NRXN1: variants seen among roughly 807,000 people sequenced by gnomAD.
NRXN1 encodes the protein neurexin-1.
NRXN1 carries 39 observed loss-of-function variants against 150.9 expected under a neutral mutation model. The observed-to-expected ratio is 0.26, with a 90% confidence interval of 0.20 to 0.34. The LOEUF is 0.34. NRXN1 is among the 10% of genes least tolerant of loss of function. The pLI, the probability that NRXN1 is intolerant of heterozygous loss-of-function variation, is 1.00. For synonymous variants in NRXN1, 924 were observed against 757.0 expected, an observed-to-expected ratio of 1.22 and a Z score of -3.62; for missense variants, 1,815 against 1,949.9, an observed-to-expected ratio of 0.93 and a Z score of 1.30.
At chr2:50,598,300 C>T (rs1675577567) in intron 8 of NRXN1, among the ~76,000 whole-genome samples, 1 of 152,042 alleles carries the variant, frequency 6.6e-6, no homozygotes, top group Non-Finnish European at 1.5e-5. Flanking sequence ...GGAAACAGCC[C>T]TTAGAATCAC....
intron 18 of NRXN1, among the ~76,000 whole-genome samples, chr2:50,171,267 G>C (rs1276502543): frequency 6.6e-6 from 1 of 151,830 alleles, no homozygotes; most frequent in Non-Finnish European, 1.5e-5. Context: ...GTGTGTGTAA[G>C]AGAGAGCATT....
intron 5 of NRXN1, among the ~76,000 whole-genome samples, chr2:50,777,682 T>C (rs1389675437): frequency 6.6e-6 from 1 of 152,088 alleles, no homozygotes; most frequent in Admixed American, 6.6e-5. Context: ...GAGTAAAATA[T>C]AAAAGAAAAT....
chr2:50,658,491 T>A, intron 5 of NRXN1, among the ~76,000 whole-genome samples: 1 of 150,834 alleles, frequency 6.6e-6, no homozygotes, highest in East Asian at 2.0e-4. Flanking sequence ...AAATTATTCT[T>A]ATTTCACATG....
chr2:50,647,990 T>G (rs1330589313), intron 5 of NRXN1, among the ~76,000 whole-genome samples: 2 of 151,988 alleles, frequency 1.3e-5, no homozygotes, highest in African/African-American at 4.8e-5. Context: ...ATCATGTATT[T>G]ATTTCCTTTA....
At chr2:50,748,137 C>G (rs1482662464) in intron 5 of NRXN1, among the ~76,000 whole-genome samples, 1 of 152,122 alleles carries the variant, frequency 6.6e-6, no homozygotes, top group Non-Finnish European at 1.5e-5. Context: ...GAGTTTAGTG[C>G]GATATCAGAG....
At chr2:50,322,784 TTAAGTA>T (rs1466456674) in intron 17 of NRXN1, among the ~76,000 whole-genome samples, 2 of 152,144 alleles carry the variant, frequency 1.3e-5, no homozygotes, top group Admixed American at 1.3e-4. Flanking sequence ...TTTCATGGAG[TTAAGTA>T]TTAAAAGACA....
chr2:50,473,196 A>G (rs1251706575), intron 15 of NRXN1, among the ~76,000 whole-genome samples: 1 of 151,958 alleles, frequency 6.6e-6, no homozygotes, highest in Non-Finnish European at 1.5e-5. Context: ...GTTTTTAGGT[A>G]AAATTACACT....
chr2:50,226,774 C>T (rs1400762655), intron 18 of NRXN1, among the ~76,000 whole-genome samples: 1 of 151,932 alleles, frequency 6.6e-6, no homozygotes, highest in African/African-American at 2.4e-5. Context: ...TGATAGTTAG[C>T]TCAGATTTGT....
In NRXN1 at chr2:50,527,049, T is replaced by C. The variant is rs143924262; in HGVS notation, c.2374+1576A>G. 1.3e-3 allele frequency among the ~76,000 whole-genome samples: 197 copies of C among 152,338 alleles called. 2 individuals are homozygous for C. The highest frequency in any genetic ancestry group is 4.7e-3 in the African/African-American group (194 of 41,586). Reference sequence around the variant, plus strand: ...TCACATGTCATTTGAATAATTTTCATTAATTGCTATACTTTGCATAGTTAT... The same window carrying C: ...TCACATGTCATTTGAATAATTTTCACTAATTGCTATACTTTGCATAGTTAT... On this transcript the variant is annotated intron_variant, in intron 12 of 22. Transcript: ENST00000401669.
intron 19 of NRXN1, among the ~76,000 whole-genome samples, chr2:50,059,062 G>A (rs1423888875): frequency 6.6e-6 from 1 of 152,172 alleles, no homozygotes; most frequent in Non-Finnish European, 1.5e-5. Flanking sequence ...CTGGGTAACA[G>A]GCAGAGGATG....
At chr2:50,232,078 A>T (rs2064993840) in intron 18 of NRXN1, among the ~76,000 whole-genome samples, 1 of 152,112 alleles carries the variant, frequency 6.6e-6, no homozygotes, top group African/African-American at 2.4e-5. Flanking sequence ...TTAAAACTGT[A>T]AGGAAGAGAG....
chr2:50,492,803 C>A (rs1006164832), intron 15 of NRXN1, among the ~76,000 whole-genome samples: 2 of 152,132 alleles, frequency 1.3e-5, no homozygotes, highest in Admixed American at 6.5e-5. Flanking sequence ...GAAATAAAAG[C>A]AAAACCAGGA....
At chr2:50,578,240 T>C (rs2105505953) in intron 8 of NRXN1, among the ~76,000 whole-genome samples, 1 of 152,280 alleles carries the variant, frequency 6.6e-6, no homozygotes, top group East Asian at 1.9e-4. Context: ...TTCTCTTAAA[T>C]CACTCTTTTT....
intron 17 of NRXN1, among the ~76,000 whole-genome samples, chr2:50,464,994 A>T (rs1036457266): frequency 4.0e-5 from 6 of 151,856 alleles, no homozygotes; most frequent in African/African-American, 1.2e-4. Context: ...ATATTTTTTT[A>T]AAAGTAAAAG....
intron 5 of NRXN1, among the ~76,000 whole-genome samples, chr2:50,689,008 T>C (rs754683069): frequency 5.9e-5 from 9 of 152,202 alleles, no homozygotes; most frequent in Non-Finnish European, 1.0e-4. Flanking sequence ...ACATACCCCT[T>C]TACTACTAAT....
At chr2:50,516,809 T>A (rs1007078211) in intron 12 of NRXN1, among the ~76,000 whole-genome samples, 1 of 152,172 alleles carries the variant, frequency 6.6e-6, no homozygotes, top group Non-Finnish European at 1.5e-5. Context: ...CACATTTCTT[T>A]ATGCTAAAAA....
intron 1 of NRXN1, among the ~76,000 whole-genome samples, chr2:51,031,367 G>T (rs372134253): frequency 6.6e-6 from 1 of 151,890 alleles, no homozygotes; most frequent in African/African-American, 2.4e-5. Context: ...TACGCTCATC[G>T]GCTGCAGTTG....
At chr2:50,307,989 C>A (rs1318803210) in intron 17 of NRXN1, among the ~76,000 whole-genome samples, 1 of 152,106 alleles carries the variant, frequency 6.6e-6, no homozygotes, top group East Asian at 1.9e-4. Context: ...TTAATGTGTA[C>A]AACATGATGT....
intron 17 of NRXN1, among the ~76,000 whole-genome samples, chr2:50,387,727 C>G (rs956825249): frequency 6.6e-6 from 1 of 152,068 alleles, no homozygotes; most frequent in Non-Finnish European, 1.5e-5. Flanking sequence ...TCTGTGATTG[C>G]TCTTAATGGC....
Sources: allele counts gnomAD v4.1 joint callset (sites outside exome capture counted in the v4.1 genomes callset), GRCh38; gene constraint gnomAD v4.1.1; transcripts MANE v1.5; gene names NCBI Gene and HGNC (gene_info 2026-07-23, HGNC 2026-07-21).